Variants in FBXO25 observed in about 807,000 individuals in gnomAD.
The protein encoded by FBXO25 is F-box protein 25.
Under a neutral mutation model 51.9 loss-of-function variants are expected in FBXO25, and 45 were observed. The observed-to-expected ratio is 0.87, with a 90% CI of 0.68 to 1.11. The LOEUF (loss-of-function observed/expected upper bound fraction) is 1.11. Ranked by LOEUF, FBXO25 falls within the 50% of genes most tolerant of loss-of-function variation. The probability of loss-of-function intolerance (pLI) is 0.00; values close to 1 mark genes in which losing one functional copy is unlikely to be tolerated. For missense variants in FBXO25, 507 were observed against 428.5 expected (o/e 1.18, Z -1.62); for synonymous variants, 199 against 151.0 (o/e 1.32, Z -2.33).
intron 5 of FBXO25, among the ~76,000 whole-genome samples, chr8:438,155 A>G (rs1442266196): frequency 6.6e-6 from 1 of 151,660 alleles, no homozygotes; most frequent in Non-Finnish European, 1.5e-5. Flanking sequence ...CCTGGGTTCC[A>G]GTGATTCTCC....
chr8:426,958 A>C (rs149020869), intron 2 of FBXO25, among the ~76,000 whole-genome samples: 1 of 152,132 alleles, frequency 6.6e-6, no homozygotes, highest in Non-Finnish European at 1.5e-5. Flanking sequence ...TTTAACTTAT[A>C]TAAAATTGAC....
chr8:423,606 TG>T (rs1280182179), intron 2 of FBXO25, among the ~76,000 whole-genome samples: 2 of 152,208 alleles, frequency 1.3e-5, no homozygotes, highest in Non-Finnish European at 2.9e-5. Flanking sequence ...TCCATGTTGC[TG>T]CAAAGGGTGT....
chr8:424,699 C>G lies in FBXO25; in HGVS notation c.135-6642C>G, dbSNP rs141741438. ...GTGTGTGGCTTTATTTCTGAGTTTT[C>G]TGTTCTGTTCATTGGTCTGTGAGTC... On this transcript the variant is annotated intron_variant, in intron 2 of 9. Transcript: ENST00000350302. 2.6e-3 allele frequency among the ~76,000 whole-genome samples: 401 copies of G among 152,218 alleles called. 2 individuals carry two copies. Among genetic ancestry groups the G allele is most frequent in the African/African-American group, 9.1e-3 (380 of 41,532 alleles).
intron 2 of FBXO25, among the ~76,000 whole-genome samples, chr8:423,691 C>G (rs1484872271): frequency 6.6e-6 from 1 of 152,108 alleles, no homozygotes; most frequent in Non-Finnish European, 1.5e-5. Context: ...TCCAGTCTAC[C>G]ATTGATGGGC....
At chr8:444,133 C>A (rs1012554416) in intron 5 of FBXO25, among the ~76,000 whole-genome samples, 3 of 152,186 alleles carry the variant, frequency 2.0e-5, no homozygotes, top group African/African-American at 7.2e-5. Flanking sequence ...TGGTGCCTTT[C>A]TAATAATCAC....
chr8:475,675 T>C lies in FBXO25; in HGVS notation c.*6871T>C, dbSNP rs1800621602. ...AAATATTTCAGTTTTTTTGTTACTA[T>C]TATAATGGAATTTTCTTAAATTTCC... On this transcript the variant is annotated 3_prime_UTR_variant, in exon 10 of 10. Transcript: ENST00000350302. 6.6e-6 allele frequency: 1 copy of C among 152,334 alleles called. No individual in the cohort carries two copies. Among genetic ancestry groups the C allele is most frequent in the South Asian group, 2.1e-4 (1 of 4,830 alleles). The allele number at this position is 152,334 out of a possible 1,614,324, so 9.4% of individuals were successfully genotyped here. A position where few individuals can be genotyped will look rare whatever the true frequency, so the allele number is the denominator to read the frequency against.
At chr8:455,266 G>A (rs1799352856) in intron 7 of FBXO25, among the ~76,000 whole-genome samples, 1 of 152,192 alleles carries the variant, frequency 6.6e-6, no homozygotes, top group Non-Finnish European at 1.5e-5. Flanking sequence ...CTTGTTTAGA[G>A]GTCCCCTTCA....
rs768002458 is a variant in FBXO25, at chr8:458,433, G to A, written c.725G>A (p.Arg242Gln). The change falls in exon 8 of 10, where the codon CGG becomes CAG. Residue 242 changes from arginine to glutamine, a missense_variant. By Grantham distance (43) the Arg-to-Gln change is conservative. Transcript: ENST00000350302. ...PLHMLNNILY[R>Q]FSDGWDIITL... is the part of the protein sequence containing the mutation. ...CACATGCTGAACAACATCCTATACC[G>A]GTTCTCAGACGGATGGGACATCATC... The A allele has an allele frequency of 2.7e-5, 44 of 1,614,142 alleles. No individual in the cohort carries two copies. The highest frequency in any genetic ancestry group is 8.8e-5 in the South Asian group (8 of 91,072).
intron 2 of FBXO25, among the ~76,000 whole-genome samples, chr8:417,174 C>G (rs1563063101): frequency 6.6e-6 from 1 of 152,214 alleles, no homozygotes; most frequent in South Asian, 2.1e-4. Flanking sequence ...CTGACTGGGT[C>G]CCAGCTGTGA....
At position 469,643 on chromosome 8, in the gene FBXO25, T is replaced by C. The variant is rs1293761870; in HGVS notation, c.*839T>C. 1 of 152,240 alleles carries C rather than the reference T, an allele frequency of 6.6e-6. No homozygotes were observed. Among genetic ancestry groups the C allele is most frequent in the Non-Finnish European group, 1.5e-5 (1 of 68,048 alleles). 9.4% of individuals were successfully genotyped at this position (152,240 alleles called of 1,614,324 possible). On this transcript the variant is annotated 3_prime_UTR_variant, in exon 10 of 10. Coordinates refer to ENST00000350302, the MANE Select transcript of FBXO25 (RefSeq NM_183420.2). ...TTTGATACTTAAATCCTTAAAAGATTGCTTCGTTTTTAAAATAACGCATGT... is the reference window on the plus strand; with the variant it reads ...TTTGATACTTAAATCCTTAAAAGATCGCTTCGTTTTTAAAATAACGCATGT...
chr8:447,272 G>T (rs144856751), intron 5 of FBXO25, among the ~76,000 whole-genome samples: 1 of 152,210 alleles, frequency 6.6e-6, no homozygotes, highest in South Asian at 2.1e-4. Flanking sequence ...GGTAGCGGCT[G>T]GGGGAGAGAG....
chr8:457,253 T>C (rs1799502411), intron 7 of FBXO25, among the ~76,000 whole-genome samples: 1 of 152,178 alleles, frequency 6.6e-6, no homozygotes, highest in Non-Finnish European at 1.5e-5. Context: ...AAGACGTGTT[T>C]CTAGTGAGAA....
At chr8:435,261 G>A (rs1798035907) in intron 4 of FBXO25, among the ~76,000 whole-genome samples, 1 of 152,052 alleles carries the variant, frequency 6.6e-6, no homozygotes, top group Non-Finnish European at 1.5e-5. Context: ...ATTTTTAGTT[G>A]CGTAGCCTAG....
intron 2 of FBXO25, among the ~76,000 whole-genome samples, chr8:417,802 T>C (rs1475242049): frequency 1.3e-5 from 2 of 152,254 alleles, no homozygotes; most frequent in African/African-American, 2.4e-5. Context: ...CCATAACTTA[T>C]TTGTCCAGGC....
chr8:435,172 C>G (rs1344507910), intron 4 of FBXO25, among the ~76,000 whole-genome samples: 1 of 152,176 alleles, frequency 6.6e-6, no homozygotes, highest in Non-Finnish European at 1.5e-5. Flanking sequence ...CATGCCTCCC[C>G]TGCAGAGAAA....
In FBXO25 at chr8:472,593, C is replaced by T. The variant is rs1010012639; in HGVS notation, c.*3789C>T. ...AGGATAAGCTTAGAAAGTGTTCCCT[C>T]TTCTGTGTTTTGGAAGTGTTTGTGG... is the stretch of plus-strand genomic sequence containing the variant. On this transcript the variant is annotated 3_prime_UTR_variant, in exon 10 of 10. Transcript: ENST00000350302. The T allele has an allele frequency of 3.3e-5, 5 of 150,560 alleles. No individual in the cohort carries two copies. The highest frequency in any genetic ancestry group is 1.2e-4 in the African/African-American group (5 of 40,968). 9.3% of individuals were successfully genotyped at this position (150,560 alleles called of 1,614,324 possible). A position where few individuals can be genotyped will look rare whatever the true frequency, so the allele number is the denominator to read the frequency against.
intron 5 of FBXO25, among the ~76,000 whole-genome samples, chr8:437,816 T>C (rs191901980): frequency 2.9e-4 from 44 of 152,174 alleles, no homozygotes; most frequent in Non-Finnish European, 5.3e-4. Flanking sequence ...TTTGCTGTTT[T>C]AAATGTTTAT....
intron 2 of FBXO25, among the ~76,000 whole-genome samples, chr8:427,040 T>A (rs1383497574): frequency 6.6e-6 from 1 of 152,026 alleles, no homozygotes; most frequent in Non-Finnish European, 1.5e-5. Flanking sequence ...TAGCTTTATA[T>A]CAGGAAAATG....
chr8:446,037 G>A (rs1158793242), intron 5 of FBXO25, among the ~76,000 whole-genome samples: 1 of 152,060 alleles, frequency 6.6e-6, no homozygotes, highest in Admixed American at 6.5e-5. Context: ...CACCCTCCTG[G>A]TGTCTGGTGG....
Sources: allele counts gnomAD v4.1 joint callset (sites outside exome capture counted in the v4.1 genomes callset), GRCh38; gene constraint gnomAD v4.1.1; transcripts MANE v1.5; gene names NCBI Gene and HGNC (gene_info 2026-07-23, HGNC 2026-07-21).